COL1A2: variants seen among roughly 807,000 people sequenced by gnomAD.
The protein encoded by COL1A2 is collagen type I alpha 2 chain.
In COL1A2, 49 loss-of-function variants were observed where a neutral mutation model predicts 174.3. The observed-to-expected ratio is 0.28, with a 90% CI of 0.22 to 0.36. COL1A2 has a LOEUF of 0.36. Among genes scored for constraint, COL1A2 ranks in the 10% least tolerant of loss-of-function variants. The pLI, the probability that COL1A2 is intolerant of heterozygous loss-of-function variation, is 1.00. For missense variants in COL1A2, 1,438 were observed against 1,822.7 expected, an observed-to-expected ratio of 0.79 and a Z score of 3.84; for synonymous variants, 655 against 606.6, an observed-to-expected ratio of 1.08 and a Z score of -1.17.
Position 94,419,550 on chromosome 7 carries a change from G to T in COL1A2, c.2078G>T (p.Arg693Leu). The T allele has an allele frequency of 6.2e-7, 1 of 1,614,006 alleles. No individual in the cohort carries two copies. The highest frequency in any genetic ancestry group is 8.5e-7 in the Non-Finnish European group (1 of 1,179,960). ...GGTCCTGCTGGAGCCACAGGTGACC[G>T]GGTAAGCATGCATTTTCACTAAGCC... ...APGPAGATGD[R>L]GEAGAAGPAG... The change falls in exon 34 of 52, where the codon CGG becomes CTG. Residue 693 changes from arginine to leucine, a missense_variant and splice_region_variant. Arg to Leu is a moderately radical substitution (Grantham distance 102). Transcript: ENST00000297268.
intron 51 of COL1A2, chr7:94,429,798 T>G: frequency 3.9e-6 from 1 of 256,582 alleles, no homozygotes; most frequent in East Asian, 9.5e-5. Context: ...TTTATAGTTA[T>G]GTGTATTTTA....
intron 46 of COL1A2, 149 bp from the exon 47 acceptor site, chr7:94,426,859 A>G (rs930307196): frequency 4.1e-6 from 3 of 725,142 alleles, no homozygotes; most frequent in African/African-American, 3.6e-5. Flanking sequence ...AATAGACATA[A>G]TGGGAGAAAA....
intron 15 of COL1A2, among the ~76,000 whole-genome samples, 159 bp downstream of exon 15, chr7:94,408,539 A>T (rs1166613594): frequency 6.6e-6 from 1 of 152,200 alleles, no homozygotes; most frequent in African/African-American, 2.4e-5. Flanking sequence ...TAAGCCATTT[A>T]TAAGTACCTG....
intron 18 of COL1A2, 23 bp from the exon 19 acceptor site, chr7:94,409,700 C>A: frequency 1.9e-6 from 3 of 1,613,840 alleles, no homozygotes; most frequent in Non-Finnish European, 2.5e-6. Flanking sequence ...CCCTAATGGA[C>A]CACACTGCAT....
intron 22 of COL1A2, 57 bp downstream of exon 22, chr7:94,410,999 G>T: frequency 6.2e-7 from 1 of 1,606,660 alleles, no homozygotes. Context: ...GGTGGTGGGT[G>T]TGTCATTAGC....
At chr7:94,415,389 A>T in intron 30 of COL1A2, 119 bp downstream of exon 30, 1 of 876,750 alleles carries the variant, frequency 1.1e-6, no homozygotes, top group Non-Finnish European at 1.9e-6. Flanking sequence ...TTCTATAGTC[A>T]AATGTAATCT....
In COL1A2 at chr7:94,410,237, C is replaced by A. The variant is rs1791892531; in HGVS notation, c.1036-5C>A. 1.9e-6 allele frequency: 3 copies of A among 1,613,436 alleles called. No homozygotes were observed. The highest frequency in any genetic ancestry group is 1.3e-5 in the African/African-American group (1 of 74,878). ...CTTTGACCACTGTTCTGTATTGAAC[C>A]CTAGGGTGAGCCTGGTCCAGCTGGC... On this transcript the variant is annotated splice_polypyrimidine_tract_variant and splice_region_variant and intron_variant, in intron 19 of 51. Coordinates refer to ENST00000297268, the MANE Select transcript of COL1A2 (RefSeq NM_000089.4).
Position 94,409,415 on chromosome 7 carries a change from C to G in COL1A2, c.886C>G (p.Pro296Ala), listed in dbSNP as rs1318935295. 1 of 1,614,068 alleles carries G rather than the reference C, an allele frequency of 6.2e-7. No homozygotes were observed. Among genetic ancestry groups the G allele is most frequent in the South Asian group, 1.1e-5 (1 of 91,072 alleles). Residue 296 changes from proline to alanine, a missense_variant, in exon 17 of 52, where the codon CCT becomes GCT. Transcript: ENST00000297268. Reference sequence around the variant, plus strand: ...TCCAGGCCTCTCCGGCCCCGTTGGACCTCCTGTAAGTAGCCACTGTCTTTA... The same window carrying G: ...TCCAGGCCTCTCCGGCCCCGTTGGAGCTCCTGTAAGTAGCCACTGTCTTTA... ...GLPGLSGPVG[P>A]PGNPGANGLT...
Position 94,401,627 on chromosome 7 carries a change from T to A in COL1A2, c.279+7T>A, listed in dbSNP as rs750955902. The A allele has an allele frequency of 3.8e-6, 6 of 1,583,792 alleles. No individual in the cohort carries two copies. The Admixed American group carries it at 5.1e-5, about 13-fold the overall frequency. Reference sequence around the variant, plus strand: ...ACTTGGCCCTGGACCAATGGTATGCTTATCTGTTTATCTTAGCCAAAAAAA... The same window carrying A: ...ACTTGGCCCTGGACCAATGGTATGCATATCTGTTTATCTTAGCCAAAAAAA... On this transcript the variant is annotated splice_region_variant and intron_variant, in intron 6 of 51. Coordinates refer to ENST00000297268, the MANE Select transcript of COL1A2 (RefSeq NM_000089.4).
chr7:94,427,487 T>C, intron 48 of COL1A2, 140 bp from the exon 49 acceptor site: 1 of 1,174,132 alleles, frequency 8.5e-7, no homozygotes, highest in Non-Finnish European at 1.2e-6. Context: ...GGGGGCTCGT[T>C]ATTTATTTAT....
chr7:94,401,776 ATAAGT>A (rs1791695476), intron 6 of COL1A2, among the ~76,000 whole-genome samples, 156 bp downstream of exon 6: 2 of 152,238 alleles, frequency 1.3e-5, no homozygotes, highest in East Asian at 1.9e-4. Context: ...TTATGAAAAC[ATAAGT>A]TAAGGAGTTC....
Position 94,425,782 on chromosome 7 carries a change from C to A in COL1A2, c.2868C>A (p.Pro956=). 2 of 1,613,192 alleles carry A rather than the reference C, an allele frequency of 1.2e-6. No individual in the cohort carries two copies. Among genetic ancestry groups the A allele is most frequent in the East Asian group, 2.2e-5 (1 of 44,742 alleles). ...GERGYPGNIG[P]VGAAGAPGPH... The stretch of plus-strand genomic sequence containing the variant: ...GCGGTTACCCTGGCAATATTGGTCC[C>A]GTTGGTGCTGCAGGTGCACCTGGTC... Residue 956 remains proline (P), a synonymous_variant, in exon 44 of 52, where the codon CCC becomes CCA. Transcript: ENST00000297268.
chr7:94,419,417 G>A (rs1792105923), intron 33 of COL1A2, 81 bp from the exon 34 acceptor site: 2 of 1,491,960 alleles, frequency 1.3e-6, no homozygotes, highest in Admixed American at 3.4e-5. Context: ...CACTGTATAA[G>A]CACAGAAAAA....
At position 94,408,884 on chromosome 7, in the gene COL1A2, T is replaced by A. The variant is rs1791859831; in HGVS notation, c.792+61T>A. On this transcript the variant is annotated intron_variant, in intron 16 of 51. Coordinates refer to ENST00000297268, the MANE Select transcript of COL1A2 (RefSeq NM_000089.4). Reference sequence around the variant, plus strand: ...AAACTTTTTACTGTGATGTGAAAGATTGGAACTGTGTTTGCAGATAAAGAG... The same window carrying A: ...AAACTTTTTACTGTGATGTGAAAGAATGGAACTGTGTTTGCAGATAAAGAG... The A allele has an allele frequency of 1.9e-5, 27 of 1,450,406 alleles. No individual in the cohort carries two copies. In the South Asian group the frequency reaches 2.9e-4, roughly 15 times the overall value. 89.8% of individuals were successfully genotyped at this position (1,450,406 alleles called of 1,614,324 possible).
chr7:94,427,216 GA>G lies in COL1A2; in HGVS notation c.3192del (p.Asp1065MetfsTer39), dbSNP rs1488090541. 5.6e-6 allele frequency: 9 copies of G among 1,613,916 alleles called. No homozygotes were observed. The Admixed American group carries it at 1.5e-4, about 27-fold the overall frequency. On this transcript the variant is annotated frameshift_variant, in exon 48 of 52. Coordinates refer to ENST00000297268, the MANE Select transcript of COL1A2 (RefSeq NM_000089.4). LOFTEE classifies it high-confidence loss of function. ...RGPAGPSGPAGKDGRTGHPGT... is the reference protein window; with the variant it reads ...RGPAGPSGPAXKDGRTGHPGT... ...CCTGCTGGTCCTTCTGGCCCTGCTGGAAAAGATGGTCGCACTGGACATCCTG... is the reference window on the plus strand; with the variant it reads ...CCTGCTGGTCCTTCTGGCCCTGCTGGAAAGATGGTCGCACTGGACATCCTG...
At chr7:94,410,826 ACT>A (rs1791905424) in intron 21 of COL1A2, 61 bp from the exon 22 acceptor site, 1 of 1,563,726 alleles carries the variant, frequency 6.4e-7, no homozygotes, top group South Asian at 1.1e-5. Flanking sequence ...TTTTTTACAA[ACT>A]CTACCTTATC....
At chr7:94,421,988 C>G in intron 39 of COL1A2, 36 bp downstream of exon 39, 1 of 1,591,432 alleles carries the variant, frequency 6.3e-7, no homozygotes, top group Non-Finnish European at 8.6e-7. Flanking sequence ...TTCATTTACT[C>G]TAGCCAAAAG....
chr7:94,399,088 T>A lies in COL1A2; in HGVS notation c.132+4T>A. 6.2e-7 allele frequency: 1 copy of A among 1,613,644 alleles called. No homozygotes were observed. The highest frequency in any genetic ancestry group is 8.5e-7 in the Non-Finnish European group (1 of 1,179,610). On this transcript the variant is annotated splice_donor_region_variant and intron_variant, in intron 4 of 51. Transcript: ENST00000297268. ...TAGAGGACCACGTGGAGAAAGGGTG[T>A]GTAATTTTTGAACTATAAAGGGCTT...
At chr7:94,425,419 A>T in intron 42 of COL1A2, 191 bp from the exon 43 acceptor site, 1 of 820,370 alleles carries the variant, frequency 1.2e-6, no homozygotes, top group South Asian at 1.6e-5. Flanking sequence ...CACACTGCAA[A>T]ACTGGGCCCA....
Sources: allele counts gnomAD v4.1 joint callset (sites outside exome capture counted in the v4.1 genomes callset), GRCh38; gene constraint gnomAD v4.1.1; transcripts MANE v1.5; gene names NCBI Gene and HGNC (gene_info 2026-07-23, HGNC 2026-07-21).